The following ANKHD1 variants were observed in gnomAD, a reference collection of about 807,000 sequenced individuals.
The protein encoded by ANKHD1 is ankyrin repeat and KH domain containing 1.
A neutral mutation model predicts 230.5 loss-of-function variants in ANKHD1; 31 were observed. That is an observed-to-expected ratio of 0.13 (90% CI 0.10 to 0.18). ANKHD1 has a LOEUF of 0.18. Ranked by LOEUF, ANKHD1 falls within the 10% of genes least tolerant of loss-of-function variation. The pLI is 1.00. For missense variants in ANKHD1, 2,256 were observed against 3,071.3 expected, an observed-to-expected ratio of 0.73 and a Z score of 6.27; for synonymous variants, 1,074 against 1,117.6, an observed-to-expected ratio of 0.96 and a Z score of 0.78.
chr5:140,510,072 C>A lies in ANKHD1; in HGVS notation c.3995C>A (p.Ala1332Glu). ...NKKGNTPLWL[A>E]SNGGHFDVVQ... ...AAGGGAAATACGCCACTTTGGCTGG[C>A]ATCCAATGGAGGTCATTTTGATGTT... is the stretch of plus-strand genomic sequence containing the variant. Residue 1332 changes from alanine (A) to glutamate (E), a missense_variant, in exon 22 of 34, where the codon GCA (alanine) becomes GAA (glutamate). Around this residue, in one of 13 missense-constraint regions of ANKHD1, gnomAD observed 195 missense variants for 340.3 expected, o/e 0.57. Coordinates refer to ENST00000360839, the MANE Select transcript of ANKHD1 (RefSeq NM_017747.3). 6.2e-7 allele frequency: 1 copy of A among 1,614,078 alleles called. No individual in the cohort carries two copies. The highest frequency in any genetic ancestry group is 8.5e-7 in the Non-Finnish European group (1 of 1,179,966).
chr5:140,454,073 G>A (rs1345714464), intron 7 of ANKHD1, among the ~76,000 whole-genome samples: 1 of 152,128 alleles, frequency 6.6e-6, no homozygotes, highest in Admixed American at 6.6e-5. Context: ...CCTAGTCTCT[G>A]ATAAAAACAG....
At chr5:140,476,745 A>G (rs1750989819) in intron 10 of ANKHD1, among the ~76,000 whole-genome samples, 1 of 152,198 alleles carries the variant, frequency 6.6e-6, no homozygotes, top group South Asian at 2.1e-4. Flanking sequence ...GGCGTGGGAT[A>G]CAAGAAACTA....
At chr5:140,537,257 A>C in intron 30 of ANKHD1, 132 bp from the exon 31 acceptor site, 20 of 1,406,798 alleles carry the variant, frequency 1.4e-5, no homozygotes, top group Non-Finnish European at 1.7e-5. Flanking sequence ...ATGTTGTGGA[A>C]TAGATCTTTC....
At chr5:140,450,850 C>CA (rs1174327433) in intron 7 of ANKHD1, among the ~76,000 whole-genome samples, 2 of 151,908 alleles carry the variant, frequency 1.3e-5, no homozygotes, top group East Asian at 1.9e-4. Flanking sequence ...CAGAATCTAT[C>CA]AAAAAAATAT....
At chr5:140,411,584 AT>A (rs748103258) in intron 1 of ANKHD1, among the ~76,000 whole-genome samples, 13 of 149,826 alleles carry the variant, frequency 8.7e-5, no homozygotes, top group Non-Finnish European at 1.8e-4. Flanking sequence ...TAATGGTGCA[AT>A]CTTGGCTCAC....
In ANKHD1 at chr5:140,457,352, G is replaced by T. The variant is rs561061778; in HGVS notation, c.1243-1273G>T. On this transcript the variant is annotated intron_variant, in intron 7 of 33. Transcript: ENST00000360839. ...CATTTGACCCAGCAATCCCATTACT[G>T]GGTATATACCCAAAGGATTATAAAT... Among the ~76,000 whole-genome samples, 20 of 152,288 alleles carry T rather than the reference G, an allele frequency of 1.3e-4. No homozygotes were observed. In the South Asian group the frequency reaches 3.5e-3, roughly 27 times the overall value.
chr5:140,527,853 G>A lies in ANKHD1; in HGVS notation c.5088-20G>A. ...GAGACATTTAATTTCATAAGCTCAT[G>A]TGTATTCTTCATTTTATAGGTCAAA... On this transcript the variant is annotated intron_variant, in intron 27 of 33. Coordinates refer to ENST00000360839, the MANE Select transcript of ANKHD1 (RefSeq NM_017747.3). This position sits in a 1 kb window ranked among gnomAD's most constrained non-coding sequence, Gnocchi z 4.5. 6.2e-7 allele frequency: 1 copy of A among 1,607,422 alleles called. No individual in the cohort carries two copies. Among genetic ancestry groups the A allele is most frequent in the Non-Finnish European group, 8.5e-7 (1 of 1,176,942 alleles).
chr5:140,529,891 C>T, intron 29 of ANKHD1, 95 bp downstream of exon 29: 5 of 1,506,856 alleles, frequency 3.3e-6, no homozygotes, highest in Non-Finnish European at 4.4e-6. Context: ...GTAAATCAGT[C>T]ACATATAATG....
rs1390500107 is a variant in ANKHD1 at position 140,507,167 on chromosome 5, AAG to A, written c.3551+193_3551+194del. On this transcript the variant is annotated intron_variant, in intron 19 of 33. Transcript: ENST00000360839. The surrounding 1 kb of genome is among the most constrained non-coding windows in gnomAD (Gnocchi z 4.1). ...TATTTCAGTAATGTGGCTGCTTATA[AAG>A]AGGTCTCATTTCAAAAAGTGTTTTG... Among the ~76,000 whole-genome samples the A allele has an allele frequency of 5.3e-5, 8 of 152,322 alleles. No individual in the cohort carries two copies. The highest frequency in any genetic ancestry group is 3.9e-4 in the Admixed American group (6 of 15,296).
rs1774700746 is a variant in ANKHD1 at position 140,451,085 on chromosome 5, G to A, written c.1242+1780G>A. On this transcript the variant is annotated intron_variant, in intron 7 of 33. Transcript: ENST00000360839. The stretch of plus-strand genomic sequence containing the variant: ...AAGAATCACTTGAACCTGGGAGGTG[G>A]AGGTTGCAGTGAGCTGAGATCACAC... Among the ~76,000 whole-genome samples, 5 of 152,084 alleles carry A rather than the reference G, an allele frequency of 3.3e-5. No individual in the cohort carries two copies. The South Asian group carries it at 1.0e-3, about 32-fold the overall frequency.
chr5:140,527,183 A>T lies in ANKHD1; in HGVS notation c.5087+109A>T. On this transcript the variant is annotated intron_variant, in intron 27 of 33. Transcript: ENST00000360839. The surrounding 1 kb of genome is among the most constrained non-coding windows in gnomAD (Gnocchi z 4.5). ...AATTTGAATGTGGTTATTATTTTAA[A>T]CTGCATTGCCACACTAAATCCAGAA... 1 of 1,399,134 alleles carries T rather than the reference A, an allele frequency of 7.1e-7. No individual in the cohort carries two copies. Among genetic ancestry groups the T allele is most frequent in the African/African-American group, 1.5e-5 (1 of 68,094 alleles). 86.7% of individuals were successfully genotyped at this position (1,399,134 alleles called of 1,614,324 possible).
intron 1 of ANKHD1, among the ~76,000 whole-genome samples, chr5:140,410,585 G>A (rs1770849036): frequency 6.6e-6 from 1 of 151,916 alleles, no homozygotes; most frequent in Non-Finnish European, 1.5e-5. Flanking sequence ...CAGAACTAAA[G>A]TTGTAATAAA....
intron 10 of ANKHD1, among the ~76,000 whole-genome samples, chr5:140,478,029 C>T (rs1247265730): frequency 6.6e-6 from 1 of 151,946 alleles, no homozygotes; most frequent in East Asian, 1.9e-4. Context: ...CTAAAGTTGT[C>T]CTTAGAAGGA....
At chr5:140,486,746 A>G in intron 13 of ANKHD1, 1 of 371,260 alleles carries the variant, frequency 2.7e-6, no homozygotes, top group South Asian at 4.4e-5. Context: ...CATTTAGCTT[A>G]AAATCATTGA....
At chr5:140,449,091 G>C (rs1774505713) in intron 6 of ANKHD1, 120 bp from the exon 7 acceptor site, 1 of 1,000,266 alleles carries the variant, frequency 1.0e-6, no homozygotes, top group Non-Finnish European at 1.4e-6. Flanking sequence ...TTTATTTATT[G>C]AATGCAAAAT....
chr5:140,409,406 G>T (rs1223283436), intron 1 of ANKHD1, among the ~76,000 whole-genome samples: 2 of 152,098 alleles, frequency 1.3e-5, no homozygotes, highest in Admixed American at 6.5e-5. Flanking sequence ...CTTCCAGTTT[G>T]TTCAAAGTAG....
At chr5:140,430,242 T>C (rs961924422) in intron 1 of ANKHD1, among the ~76,000 whole-genome samples, 1 of 152,210 alleles carries the variant, frequency 6.6e-6, no homozygotes, top group Admixed American at 6.5e-5. Flanking sequence ...CCGTATTCCT[T>C]TACCACTCTT....
intron 5 of ANKHD1, among the ~76,000 whole-genome samples, chr5:140,441,766 C>T (rs1773865092): frequency 1.3e-5 from 2 of 151,976 alleles, no homozygotes; most frequent in Non-Finnish European, 2.9e-5. Context: ...GATTATGCTG[C>T]TCTTGCCACA....
intron 10 of ANKHD1, among the ~76,000 whole-genome samples, chr5:140,467,330 T>A (rs2126986323): frequency 6.6e-6 from 1 of 152,352 alleles, no homozygotes; most frequent in Middle Eastern, 3.4e-3. Context: ...TTTTAAGTTT[T>A]AAAAATGTAT....
Sources: gnomAD v4.1 joint callset for allele counts (sites outside exome capture counted in the v4.1 genomes callset) on GRCh38, gnomAD v4.1.1 for gene constraint, gnomAD v4.1.1 regional missense constraint, Gnocchi (gnomAD v3.1) non-coding constraint, MANE v1.5 for transcripts, NCBI Gene and HGNC (gene_info 2026-07-23, HGNC 2026-07-21) for gene names.